The following CCBE1 variants were observed in gnomAD, a reference collection of about 807,000 sequenced individuals.
CCBE1 encodes the protein collagen and calcium binding EGF domains 1.
CCBE1 carries 37 observed loss-of-function variants against 50.0 expected under a neutral mutation model. The observed-to-expected ratio is 0.74, with a 90% CI of 0.57 to 0.97. The LOEUF (loss-of-function observed/expected upper bound fraction) is 0.97, where lower values mean the gene tolerates loss of function less well. Among genes scored for constraint, CCBE1 ranks in the 50% least tolerant of loss-of-function variants. The pLI is 0.00. For missense variants in CCBE1, 538 were observed against 523.8 expected, an observed-to-expected ratio of 1.03 and a Z score of -0.26; for synonymous variants, 234 against 203.7, an observed-to-expected ratio of 1.15 and a Z score of -1.27.
At chr18:59,556,134 T>C (rs566528323) in intron 2 of CCBE1, among the ~76,000 whole-genome samples, 17 of 152,318 alleles carry the variant, frequency 1.1e-4, no homozygotes, top group African/African-American at 3.6e-4. Context: ...AGCCTCCAGC[T>C]TGGTTCCTGC....
At chr18:59,665,346 A>G (rs1305414196) in intron 2 of CCBE1, among the ~76,000 whole-genome samples, 3 of 152,196 alleles carry the variant, frequency 2.0e-5, no homozygotes, top group Non-Finnish European at 4.4e-5. Flanking sequence ...TTCGCATTAA[A>G]GGCCTCCAGT....
chr18:59,530,649 A>G lies in CCBE1; in HGVS notation c.213-50411T>C, dbSNP rs145909256. ...TTCTGAAAAAGGCACAAGCATTCAC[A>G]TGTGACTATGTAAAGATGTTCATAA... On this transcript the variant is annotated intron_variant, in intron 2 of 10. Transcript: ENST00000439986. Among the ~76,000 whole-genome samples, 6 of 152,306 alleles carry G rather than the reference A, an allele frequency of 3.9e-5. No individual in the cohort carries two copies. In the East Asian group the frequency reaches 1.2e-3, roughly 29 times the overall value.
intron 2 of CCBE1, among the ~76,000 whole-genome samples, chr18:59,552,492 AG>A (rs1385483709): frequency 2.0e-5 from 3 of 152,188 alleles, no homozygotes; most frequent in Admixed American, 6.5e-5. Context: ...GCCTACATCT[AG>A]GTTTTGGCAG....
intron 2 of CCBE1, among the ~76,000 whole-genome samples, chr18:59,661,314 G>A (rs2054282174): frequency 6.6e-6 from 1 of 152,186 alleles, no homozygotes; most frequent in Admixed American, 6.5e-5. Flanking sequence ...ATTTGGTCTG[G>A]GGGTTAAGAA....
At chr18:59,524,475 C>A (rs1312120406) in intron 2 of CCBE1, among the ~76,000 whole-genome samples, 1 of 152,106 alleles carries the variant, frequency 6.6e-6, no homozygotes, top group East Asian at 1.9e-4. Flanking sequence ...GCATTCTATC[C>A]TTCAACCAGA....
intron 2 of CCBE1, among the ~76,000 whole-genome samples, chr18:59,645,265 TG>T (rs1391476160): frequency 6.6e-6 from 1 of 152,166 alleles, no homozygotes; most frequent in East Asian, 1.9e-4. Context: ...ACTCCCAATT[TG>T]TCATCTGTTG....
chr18:59,474,127 C>T (rs1912195900), intron 3 of CCBE1, among the ~76,000 whole-genome samples: 1 of 152,182 alleles, frequency 6.6e-6, no homozygotes, highest in Non-Finnish European at 1.5e-5. Flanking sequence ...TTTTCTTTAT[C>T]CAATCCACTA....
intron 2 of CCBE1, among the ~76,000 whole-genome samples, chr18:59,497,230 T>C (rs1272295465): frequency 6.6e-6 from 1 of 152,150 alleles, no homozygotes; most frequent in Non-Finnish European, 1.5e-5. Flanking sequence ...CTCTGTGAAA[T>C]ACTCGGAAGC....
At chr18:59,609,322 T>C (rs1443667224) in intron 2 of CCBE1, among the ~76,000 whole-genome samples, 2 of 152,230 alleles carry the variant, frequency 1.3e-5, no homozygotes, top group African/African-American at 4.8e-5. Flanking sequence ...ATGCAGTGGC[T>C]TATTGGACAG....
intron 2 of CCBE1, among the ~76,000 whole-genome samples, chr18:59,552,405 A>G (rs1249116136): frequency 2.0e-5 from 3 of 152,220 alleles, no homozygotes; most frequent in Non-Finnish European, 2.9e-5. Context: ...TATGGGGCAC[A>G]CACAAAAAGA....
Position 59,469,571 on chromosome 18 carries a change from T to C in CCBE1, c.302A>G (p.Gln101Arg). ...CACTCGGCCAAAGTTGTCCGTGCAC[T>C]GCTGTTCACAGGGAGCCTCGGCACA... Reference protein sequence around the residue: ...DVCAEAPCEQQCTDNFGRVLC... With the variant: ...DVCAEAPCEQRCTDNFGRVLC... The change falls in exon 4 of 11, where the codon CAG becomes CGG. Residue 101 changes from glutamine (Q) to arginine (R), a missense_variant. By Grantham distance (43) the Gln-to-Arg change is conservative. Coordinates refer to ENST00000439986, the MANE Select transcript of CCBE1 (RefSeq NM_133459.4). 1 of 1,614,198 alleles carries C rather than the reference T, an allele frequency of 6.2e-7. No individual in the cohort carries two copies. The highest frequency in any genetic ancestry group is 8.5e-7 in the Non-Finnish European group (1 of 1,180,040).
chr18:59,479,852 G>C (rs1332339426), intron 3 of CCBE1, among the ~76,000 whole-genome samples: 1 of 152,202 alleles, frequency 6.6e-6, no homozygotes, highest in East Asian at 1.9e-4. Context: ...AAAGAAAGCA[G>C]GTAGAGAGGT....
At chr18:59,483,000 G>C (rs544605431) in intron 2 of CCBE1, among the ~76,000 whole-genome samples, 3 of 152,170 alleles carry the variant, frequency 2.0e-5, no homozygotes, top group African/African-American at 7.2e-5. Context: ...AAGAGAAACT[G>C]AGTTAAACGT....
At chr18:59,546,106 C>T (rs186483546) in intron 2 of CCBE1, among the ~76,000 whole-genome samples, 5 of 152,284 alleles carry the variant, frequency 3.3e-5, no homozygotes, top group Admixed American at 3.3e-4. Flanking sequence ...TATTCTCTCA[C>T]CAAAACGTAT....
intron 2 of CCBE1, among the ~76,000 whole-genome samples, chr18:59,504,872 C>G (rs1913796387): frequency 6.6e-6 from 1 of 152,124 alleles, no homozygotes; most frequent in African/African-American, 2.4e-5. Context: ...ATGGCATTTG[C>G]TTTCTGTGCC....
chr18:59,492,695 T>A (rs1042685060), intron 2 of CCBE1, among the ~76,000 whole-genome samples: 2 of 152,210 alleles, frequency 1.3e-5, no homozygotes, highest in African/African-American at 4.8e-5. Context: ...TTCCATCTTA[T>A]TTAAGCTGTT....
chr18:59,649,337 T>C (rs7244097), intron 2 of CCBE1, among the ~76,000 whole-genome samples: 1,787 of 152,338 alleles, frequency 0.012, 36 homozygotes, highest in African/African-American at 0.042. Context: ...TCAAACATCC[T>C]GGGAAGCAGT....
chr18:59,577,570 G>T (rs748025366), intron 2 of CCBE1, among the ~76,000 whole-genome samples: 1 of 152,264 alleles, frequency 6.6e-6, no homozygotes, highest in Non-Finnish European at 1.5e-5. Flanking sequence ...AGAATTTGTG[G>T]ATTTTTAAGA....
At chr18:59,619,123 A>G (rs1268353941) in intron 2 of CCBE1, among the ~76,000 whole-genome samples, 1 of 152,244 alleles carries the variant, frequency 6.6e-6, no homozygotes, top group African/African-American at 2.4e-5. Context: ...TTACTTCAAA[A>G]GCATAAATGA....
Sources: allele counts gnomAD v4.1 joint callset (sites outside exome capture counted in the v4.1 genomes callset), GRCh38; gene constraint gnomAD v4.1.1; transcripts MANE v1.5; gene names NCBI Gene and HGNC (gene_info 2026-07-23, HGNC 2026-07-21).